Variants in ESD observed in about 807,000 individuals in gnomAD.
ESD encodes esterase D.
Under a neutral mutation model 38.1 loss-of-function variants are expected in ESD, and 34 were observed. The ratio of observed to expected loss-of-function variants is 0.89; its 90% CI spans 0.68 to 1.19. The LOEUF (loss-of-function observed/expected upper bound fraction) is 1.19, where lower values mean the gene tolerates loss of function less well. ESD is among the 50% of genes most tolerant of loss of function. The pLI, the probability that ESD is intolerant of heterozygous loss-of-function variation, is 0.00. For synonymous variants in ESD, 97 were observed against 107.0 expected (o/e 0.91, Z 0.58); for missense variants, 334 against 327.2 (o/e 1.02, Z -0.16).
intron 1 of ESD, among the ~76,000 whole-genome samples, chr13:46,796,348 A>G (rs545257761): frequency 5.2e-4 from 79 of 152,368 alleles, no homozygotes; most frequent in African/African-American, 1.9e-3. Flanking sequence ...ATACAGTAAT[A>G]TATATCAATT....
chr13:46,781,673 C>T, intron 6 of ESD, 58 bp from the exon 7 acceptor site: 1 of 1,483,912 alleles, frequency 6.7e-7, no homozygotes, highest in Non-Finnish European at 9.3e-7. Context: ...TCAGACATTT[C>T]AAAGTTACAG....
Position 46,791,370 on chromosome 13 carries a change from A to T in ESD, c.44T>A (p.Leu15Ter). 6.2e-7 allele frequency: 1 copy of T among 1,613,084 alleles called. No homozygotes were observed. The highest frequency in any genetic ancestry group is 8.5e-7 in the Non-Finnish European group (1 of 1,179,426). Residue 15 changes from leucine (L) to a stop codon, truncating the protein, a stop_gained, in exon 3 of 10, where the codon TTG (leucine) becomes TAG (stop). Transcript: ENST00000378720. LOFTEE classifies it high-confidence loss of function. ...CCTGTCATGTTCAAAAACTTTCTGC[A>T]ATCCCCCAAAGCACTTGTTGCTGGA... ...QISSNKCFGG[L>*]QKVFEHDSVE...
chr13:46,782,873 A>C (rs1249881284), intron 5 of ESD, 82 bp from the exon 6 acceptor site: 6 of 1,530,146 alleles, frequency 3.9e-6, no homozygotes, highest in Non-Finnish European at 4.4e-6. Context: ...TGAATCTGCA[A>C]GTCCATTTGC....
At chr13:46,780,869 C>T (rs571350183) in intron 7 of ESD, among the ~76,000 whole-genome samples, 108 of 151,704 alleles carry the variant, frequency 7.1e-4, no homozygotes, top group Admixed American at 4.7e-3. Context: ...CATGAACAGC[C>T]CTGTAAATTT....
chr13:46,795,090 CCT>C (rs1307444950), intron 1 of ESD, among the ~76,000 whole-genome samples: 8 of 152,134 alleles, frequency 5.3e-5, no homozygotes, highest in Non-Finnish European at 1.0e-4. Context: ...CTTTTCATTG[CCT>C]CTCTTTTTCA....
intron 6 of ESD, 109 bp from the exon 7 acceptor site, chr13:46,781,724 C>T (rs964385403): frequency 1.9e-6 from 2 of 1,043,188 alleles, no homozygotes; most frequent in Non-Finnish European, 2.9e-6. Flanking sequence ...CATAGTCTTA[C>T]AATGGTTTGA....
chr13:46,781,721 T>G (rs1875010289), intron 6 of ESD, 106 bp from the exon 7 acceptor site: 2 of 1,040,138 alleles, frequency 1.9e-6, no homozygotes, highest in South Asian at 2.7e-5. Flanking sequence ...AATCATAGTC[T>G]TACAATGGTT....
In ESD at chr13:46,787,021, C is replaced by A; in HGVS notation, c.157G>T (p.Gly53Cys). The A allele has an allele frequency of 2.0e-6, 3 of 1,495,768 alleles. No individual in the cohort carries two copies. The highest frequency in any genetic ancestry group is 1.8e-4 in the Middle Eastern group (1 of 5,524). 92.7% of individuals were successfully genotyped at this position (1,495,768 alleles called of 1,614,324 possible). A position where few individuals can be genotyped will look rare whatever the true frequency, so the allele number is the denominator to read the frequency against. Residue 53 changes from glycine to cysteine, a missense_variant and splice_region_variant, in exon 4 of 10, where the codon GGT (glycine) becomes TGT (cysteine). Transcript: ENST00000378720. ...GKCPALYWLS[G>C]LTCTEQNFIS... is the part of the protein sequence containing the mutation. Reference sequence around the variant, plus strand: ...TAAAACTCAAATGCATAATACTTACCTGAGAGCCAATACAGTGCAGGGCAC... The same window carrying A: ...TAAAACTCAAATGCATAATACTTACATGAGAGCCAATACAGTGCAGGGCAC...
chr13:46,772,268 A>G (rs1291039046), intron 9 of ESD, among the ~76,000 whole-genome samples: 1 of 152,230 alleles, frequency 6.6e-6, no homozygotes, highest in Admixed American at 6.5e-5. Flanking sequence ...TGTGCTAAGC[A>G]GTTAAGTTGA....
intron 9 of ESD, among the ~76,000 whole-genome samples, chr13:46,773,115 C>T (rs560311582): frequency 6.6e-6 from 1 of 152,178 alleles, no homozygotes; most frequent in South Asian, 2.1e-4. Context: ...ATATGTACCA[C>T]ATTTTCTTTA....
chr13:46,784,561 A>T (rs1383212289), intron 4 of ESD, among the ~76,000 whole-genome samples: 1 of 151,938 alleles, frequency 6.6e-6, no homozygotes, highest in Non-Finnish European at 1.5e-5. Flanking sequence ...CTGCACGTGT[A>T]CCCCTTTAAT....
intron 3 of ESD, among the ~76,000 whole-genome samples, chr13:46,790,446 A>G (rs895613409): frequency 6.6e-6 from 1 of 152,006 alleles, no homozygotes; most frequent in Non-Finnish European, 1.5e-5. Context: ...AATTCTTCTA[A>G]AGGATATAAG....
intron 9 of ESD, among the ~76,000 whole-genome samples, chr13:46,773,815 T>A (rs1272314271): frequency 1.3e-5 from 2 of 152,216 alleles, no homozygotes; most frequent in African/African-American, 4.8e-5. Context: ...TCTCAATGAT[T>A]AGACTAGTCC....
chr13:46,780,822 C>T (rs1020058519), intron 7 of ESD, among the ~76,000 whole-genome samples: 14 of 151,614 alleles, frequency 9.2e-5, no homozygotes, highest in African/African-American at 3.1e-4. Flanking sequence ...TCAAGTTCTT[C>T]CTAAGAGGAG....
At chr13:46,782,636 CAATT>C (rs747558987) in intron 6 of ESD, 27 bp downstream of exon 6, 1 of 1,605,132 alleles carries the variant, frequency 6.2e-7, no homozygotes, top group Non-Finnish European at 8.5e-7. Flanking sequence ...TGGCAGTCAT[CAATT>C]AATAATTACA....
At chr13:46,783,233 A>G (rs908208942) in intron 5 of ESD, among the ~76,000 whole-genome samples, 1 of 151,936 alleles carries the variant, frequency 6.6e-6, no homozygotes, top group East Asian at 1.9e-4. Flanking sequence ...AGGAGTGGGG[A>G]GGCAGATGCT....
intron 9 of ESD, among the ~76,000 whole-genome samples, chr13:46,774,936 A>C (rs975612546): frequency 6.6e-6 from 1 of 152,206 alleles, no homozygotes; most frequent in Non-Finnish European, 1.5e-5. Context: ...AGGCAGATGC[A>C]GAGGCTAAAA....
In ESD at chr13:46,771,410, G is replaced by GT. The variant is rs766118013; in HGVS notation, c.*5dup. 6.3e-6 allele frequency: 10 copies of GT among 1,577,856 alleles called. No homozygotes were observed. In the South Asian group the frequency reaches 9.0e-5, roughly 14 times the overall value. The stretch of plus-strand genomic sequence containing the variant: ...TCCTGAAGAGATTCTCTTATTTGGA[G>GT]TTTTTTCATGCATTCAGGTATTTAG... On this transcript the variant is annotated 3_prime_UTR_variant, in exon 10 of 10. Coordinates refer to ENST00000378720, the MANE Select transcript of ESD (RefSeq NM_001984.2).
chr13:46,771,410 G>A lies in ESD; in HGVS notation c.*6C>T, dbSNP rs767048089. The A allele has an allele frequency of 3.2e-6, 5 of 1,577,858 alleles. No individual in the cohort carries two copies. The highest frequency in any genetic ancestry group is 3.4e-5 in the Admixed American group (2 of 58,724). On this transcript the variant is annotated 3_prime_UTR_variant, in exon 10 of 10. Coordinates refer to ENST00000378720, the MANE Select transcript of ESD (RefSeq NM_001984.2). ...TCCTGAAGAGATTCTCTTATTTGGA[G>A]TTTTTTCATGCATTCAGGTATTTAG...
Sources: gnomAD v4.1 joint callset for allele counts (sites outside exome capture counted in the v4.1 genomes callset) on GRCh38, gnomAD v4.1.1 for gene constraint, MANE v1.5 for transcripts, NCBI Gene and HGNC (gene_info 2026-07-23, HGNC 2026-07-21) for gene names.